Variants in HECW2 observed in about 807,000 individuals in gnomAD.
The protein encoded by HECW2 is HECT, C2 and WW domain containing E3 ubiquitin protein ligase 2, also known as E3 ubiquitin-protein ligase HECW2.
In HECW2, 61 loss-of-function variants were observed where a neutral mutation model predicts 175.2. That is an observed-to-expected ratio of 0.35 (90% confidence interval 0.28 to 0.43). HECW2 has a LOEUF of 0.43. Among genes scored for constraint, HECW2 ranks in the 20% least tolerant of loss-of-function variants. HECW2 has a pLI of 1.00. For synonymous variants in HECW2, 671 were observed against 731.0 expected (o/e 0.92, Z 1.32); for missense variants, 1,524 against 2,000.5 (o/e 0.76, Z 4.54).
chr2:196,477,018 C>G (rs1298124830), intron 1 of HECW2, among the ~76,000 whole-genome samples: 1 of 149,030 alleles, frequency 6.7e-6, no homozygotes, highest in Non-Finnish European at 1.5e-5. Context: ...TGGCACACAC[C>G]TGTAATCCTA....
chr2:196,293,118 G>A (rs773290691), intron 13 of HECW2, among the ~76,000 whole-genome samples: 2 of 152,118 alleles, frequency 1.3e-5, no homozygotes, highest in African/African-American at 4.8e-5. Context: ...AGCCCAGCAC[G>A]CATTAGCTAT....
intron 4 of HECW2, chr2:196,331,071 T>G (rs1692340150): frequency 1.2e-6 from 1 of 829,326 alleles, no homozygotes; most frequent in Admixed American, 6.2e-5. Flanking sequence ...AAGTATAAAT[T>G]TCTACTGCCT....
At chr2:196,212,597 T>C (rs4850683) in intron 28 of HECW2, among the ~76,000 whole-genome samples, 76,211 of 152,042 alleles carry the variant, frequency 0.5, 21,663 homozygotes, top group Non-Finnish European at 0.64. Flanking sequence ...AGTCTACCAT[T>C]GATGGGCATT....
intron 3 of HECW2, among the ~76,000 whole-genome samples, chr2:196,337,849 C>G (rs1692610189): frequency 6.6e-6 from 1 of 152,134 alleles, no homozygotes; most frequent in Admixed American, 6.6e-5. Context: ...TGAGCGGCAT[C>G]TGCTCTCTGA....
intron 3 of HECW2, among the ~76,000 whole-genome samples, chr2:196,342,670 G>A (rs1692800059): frequency 6.6e-6 from 1 of 152,046 alleles, no homozygotes. Flanking sequence ...GAATTAATTA[G>A]GTAATAGTTG....
chr2:196,321,483 A>G (rs947105162), intron 7 of HECW2, among the ~76,000 whole-genome samples: 10 of 142,722 alleles, frequency 7.0e-5, no homozygotes, highest in Non-Finnish European at 1.1e-4. Context: ...TGCAACCTCC[A>G]CCTCCCGGGT....
intron 1 of HECW2, among the ~76,000 whole-genome samples, chr2:196,570,572 G>C (rs1017628047): frequency 6.6e-6 from 1 of 152,114 alleles, no homozygotes; most frequent in African/African-American, 2.4e-5. Context: ...GGTAGGGGGA[G>C]GGATAGCATT....
In HECW2 at chr2:196,423,240, G is replaced by A. The variant is rs182453779; in HGVS notation, c.292+9892C>T. Among the ~76,000 whole-genome samples, 13 of 152,124 alleles carry A rather than the reference G, an allele frequency of 8.5e-5. No homozygotes were observed. The East Asian group carries it at 1.7e-3, about 20-fold the overall frequency. On this transcript the variant is annotated intron_variant, in intron 2 of 28. Coordinates refer to ENST00000644978, the MANE Select transcript of HECW2 (RefSeq NM_001348768.2). ...TTACAATCTGCCCAAGCACTGTGCC[G>A]AGCATTTTATATGCAATATCTCATT...
chr2:196,313,455 G>C (rs1420115175), intron 10 of HECW2, among the ~76,000 whole-genome samples: 1 of 152,140 alleles, frequency 6.6e-6, no homozygotes, highest in Non-Finnish European at 1.5e-5. Context: ...TGACTCCAAG[G>C]CCTGGAACTT....
chr2:196,359,140 C>A (rs1024146927), intron 2 of HECW2, among the ~76,000 whole-genome samples: 1 of 152,120 alleles, frequency 6.6e-6, no homozygotes, highest in Non-Finnish European at 1.5e-5. Flanking sequence ...TCCTTTCTTT[C>A]CTCTAATTAT....
rs1265899017 is a variant in HECW2 at position 196,521,560 on chromosome 2, C to T, written c.-36+71948G>A. ...GGTTAGTTACATATGTATACATGTG[C>T]CATGCTGGTGCGCTGCACCCACTAA... On this transcript the variant is annotated intron_variant, in intron 1 of 28. Transcript: ENST00000644978. Among the ~76,000 whole-genome samples the T allele has an allele frequency of 4.7e-5, 7 of 150,274 alleles. No individual in the cohort carries two copies. The South Asian group carries it at 1.5e-3, about 32-fold the overall frequency.
chr2:196,496,419 T>C (rs1334000180), intron 1 of HECW2, among the ~76,000 whole-genome samples: 1 of 152,100 alleles, frequency 6.6e-6, no homozygotes, highest in African/African-American at 2.4e-5. Flanking sequence ...TATATATATA[T>C]ATAGTACATA....
At chr2:196,349,118 T>C (rs888331307) in intron 2 of HECW2, among the ~76,000 whole-genome samples, 1 of 152,186 alleles carries the variant, frequency 6.6e-6, no homozygotes, top group Non-Finnish European at 1.5e-5. Context: ...TATTTAACCT[T>C]TTTCTCTAGA....
chr2:196,340,183 A>C (rs1230180429), intron 3 of HECW2, among the ~76,000 whole-genome samples: 2 of 152,214 alleles, frequency 1.3e-5, no homozygotes, highest in Non-Finnish European at 2.9e-5. Flanking sequence ...AAAATATTTT[A>C]GAAACTGTCT....
intron 1 of HECW2, among the ~76,000 whole-genome samples, chr2:196,566,699 A>ATTTTTTTTT (rs58391487): frequency 0.016 from 1,521 of 94,216 alleles, no homozygotes; most frequent in Middle Eastern, 0.023. Context: ...CACCCAGCTA[A>ATTTTTTTTT]TTTTTTTTTT....
intron 1 of HECW2, among the ~76,000 whole-genome samples, chr2:196,510,835 C>A (rs1201020797): frequency 6.6e-6 from 1 of 152,068 alleles, no homozygotes; most frequent in Non-Finnish European, 1.5e-5. Context: ...TATTTTTCCC[C>A]TCAGGATTAT....
At chr2:196,450,222 T>A (rs1696304443) in intron 1 of HECW2, among the ~76,000 whole-genome samples, 1 of 152,192 alleles carries the variant, frequency 6.6e-6, no homozygotes, top group Non-Finnish European at 1.5e-5. Context: ...GTCCCACTGT[T>A]TAGTACACAA....
At chr2:196,532,344 T>C (rs879197683) in intron 1 of HECW2, among the ~76,000 whole-genome samples, 2 of 152,166 alleles carry the variant, frequency 1.3e-5, no homozygotes, top group African/African-American at 4.8e-5. Context: ...TGGATGAAGC[T>C]GGAAACCATT....
At chr2:196,217,920 A>C (rs908992545) in intron 26 of HECW2, 1 of 152,246 alleles carries the variant, frequency 6.6e-6, no homozygotes, top group African/African-American at 2.4e-5. Flanking sequence ...GGTAGAAATT[A>C]TTTTAATCCA....
Sources: gnomAD v4.1 joint callset for allele counts (sites outside exome capture counted in the v4.1 genomes callset) on GRCh38, gnomAD v4.1.1 for gene constraint, MANE v1.5 for transcripts, NCBI Gene and HGNC (gene_info 2026-07-23, HGNC 2026-07-21) for gene names.